Variants in TCOF1 observed in about 807,000 individuals in gnomAD.
The protein encoded by TCOF1 is treacle ribosome biogenesis factor 1.
TCOF1 carries 33 observed loss-of-function variants against 149.0 expected under a neutral mutation model. The ratio of observed to expected loss-of-function variants is 0.22; its 90% confidence interval spans 0.17 to 0.30. The LOEUF is 0.30. Among genes scored for constraint, TCOF1 ranks in the 10% least tolerant of loss-of-function variants. TCOF1 has a pLI of 1.00. For synonymous variants in TCOF1, 789 were observed against 738.8 expected (o/e 1.07, Z -1.10); for missense variants, 1,728 against 1,840.7 (o/e 0.94, Z 1.12).
chr5:150,386,664 C>G (rs1766371049), intron 17 of TCOF1, among the ~76,000 whole-genome samples: 1 of 152,226 alleles, frequency 6.6e-6, no homozygotes, highest in Non-Finnish European at 1.5e-5. Context: ...AGGCAGCTCC[C>G]TCTTCCTGCC....
intron 3 of TCOF1, among the ~76,000 whole-genome samples, chr5:150,367,236 C>T (rs188115819): frequency 0.013 from 1,975 of 152,066 alleles, 48 homozygotes; most frequent in African/African-American, 0.045. Flanking sequence ...ACCCAGGAGG[C>T]GGAGCTTGCA....
Position 150,396,598 on chromosome 5 carries a change from G to A in TCOF1, c.4101G>A (p.Lys1367=), listed in dbSNP as rs1195779055. Reference sequence around the variant, plus strand: ...CCCCCAGGAGCAAGAAGAAGAAGAAGCTGGGGGCCGGGGAAGGTGGGGAGG... The same window carrying A: ...CCCCCAGGAGCAAGAAGAAGAAGAAACTGGGGGCCGGGGAAGGTGGGGAGG... The part of the protein sequence containing the change: ...ARTPRSKKKK[K]LGAGEGGEAS... Residue 1367 remains lysine (K), a synonymous_variant, in exon 24 of 27, where the codon AAG becomes AAA. Coordinates refer to ENST00000643257, the MANE Select transcript of TCOF1 (RefSeq NM_001371623.1). The A allele has an allele frequency of 1.3e-6, 2 of 1,584,008 alleles. No individual in the cohort carries two copies. The highest frequency in any genetic ancestry group is 1.8e-5 in the Admixed American group (1 of 54,760).
In TCOF1 at chr5:150,392,817, C is replaced by T. The variant is rs868356144; in HGVS notation, c.3603+27C>T. ...TAACTGCAAGGGAGAGGACTGGCAGCCCATAGGCCTTAGGGTGGAGCCCCA... is the reference window on the plus strand; with the variant it reads ...TAACTGCAAGGGAGAGGACTGGCAGTCCATAGGCCTTAGGGTGGAGCCCCA... On this transcript the variant is annotated intron_variant, in intron 22 of 26. Coordinates refer to ENST00000643257, the MANE Select transcript of TCOF1 (RefSeq NM_001371623.1). 5.0e-6 allele frequency: 8 copies of T among 1,611,112 alleles called. No homozygotes were observed. The Middle Eastern group carries it at 1.2e-3, about 233-fold the overall frequency.
At chr5:150,381,530 G>A (rs1326278706) in intron 17 of TCOF1, among the ~76,000 whole-genome samples, 2 of 152,238 alleles carry the variant, frequency 1.3e-5, no homozygotes, top group African/African-American at 4.8e-5. Flanking sequence ...GAGGGGCTGG[G>A]CATGAAGGCA....
intron 23 of TCOF1, chr5:150,394,964 T>TGGGGAGA (rs1420586430): frequency 6.7e-6 from 1 of 149,626 alleles, no homozygotes; most frequent in Non-Finnish European, 1.5e-5. Context: ...ACGTAGGCTC[T>TGGGGAGA]GGGGAGAGAG....
intron 3 of TCOF1, among the ~76,000 whole-genome samples, chr5:150,364,718 C>A (rs1249786882): frequency 6.6e-6 from 1 of 152,158 alleles, no homozygotes; most frequent in Non-Finnish European, 1.5e-5. Flanking sequence ...GGTTTTACAC[C>A]GTTTGCAGGA....
Position 150,374,943 on chromosome 5 carries a change from TCTCA to T in TCOF1, c.1279-7_1279-4del, listed in dbSNP as rs1562345546. The T allele has an allele frequency of 6.2e-7, 1 of 1,612,876 alleles. No homozygotes were observed. On this transcript the variant is annotated splice_polypyrimidine_tract_variant and splice_region_variant and intron_variant, in intron 9 of 26. Coordinates refer to ENST00000643257, the MANE Select transcript of TCOF1 (RefSeq NM_001371623.1). ...CTCTGGGCTCTCCCCTCATCCTGTT[TCTCA>T]CTCCAGGCGAAGCCTTCAGGGAAGG...
At chr5:150,364,014 C>T in intron 2 of TCOF1, 99 bp from the exon 3 acceptor site, 1 of 1,565,636 alleles carries the variant, frequency 6.4e-7, no homozygotes, top group Non-Finnish European at 8.8e-7. Flanking sequence ...ATGCACATTG[C>T]CTTTAAGAGC....
rs1179300711 is a variant in TCOF1, at chr5:150,375,538, C to G, written c.1688C>G (p.Ala563Gly). The stretch of plus-strand genomic sequence containing the variant: ...AGCAGTGATGGAGAGGTGCCCACAG[C>G]TGTGGCCCCGGCTCAGGTGAGGCCC... ...SDSSDGEVPT[A>G]VAPAQEKSLG... The change falls in exon 11 of 27, where the codon GCT (alanine) becomes GGT (glycine). Residue 563 changes from alanine to glycine, a missense_variant. Ala to Gly is a moderately conservative substitution (Grantham distance 60, BLOSUM62 0). Around this residue, in one of 2 missense-constraint regions of TCOF1, gnomAD observed 1,696 missense variants for 1,765.4 expected, o/e 0.96. Transcript: ENST00000643257. The G allele has an allele frequency of 6.2e-7, 1 of 1,614,146 alleles. No homozygotes were observed. Among genetic ancestry groups the G allele is most frequent in the South Asian group, 1.1e-5 (1 of 91,084 alleles).
rs1039846583 is a variant in TCOF1, at chr5:150,376,683, G to A, written c.2340+63G>A. The A allele has an allele frequency of 2.9e-5, 43 of 1,505,114 alleles. No individual in the cohort carries two copies. The Admixed American group carries it at 8.4e-4, about 30-fold the overall frequency. 93.2% of individuals were successfully genotyped at this position (1,505,114 alleles called of 1,614,324 possible). ...CTGTTCCTGAGCCAGGGCTGAGGAT[G>A]GGCTTGACTGGGGGCTAGTGTTGCC... On this transcript the variant is annotated intron_variant, in intron 14 of 26. Transcript: ENST00000643257.
chr5:150,380,143 G>C, intron 17 of TCOF1: 2 of 235,816 alleles, frequency 8.5e-6, no homozygotes, highest in South Asian at 5.2e-5. Flanking sequence ...AAGAAAGGAA[G>C]GCCAGGTTAA....
At position 150,398,555 on chromosome 5, in the gene TCOF1, C is replaced by G. The variant is rs906979865; in HGVS notation, c.4443+104C>G. 30 of 1,559,772 alleles carry G rather than the reference C, an allele frequency of 1.9e-5. No individual in the cohort carries two copies. The Admixed American group carries it at 5.3e-4, about 28-fold the overall frequency. Reference sequence around the variant, plus strand: ...CTGCCCCCTTCCCATTTTCGGGGCCCAGTCGGGGGCGTCAGGGGTTGTGAC... The same window carrying G: ...CTGCCCCCTTCCCATTTTCGGGGCCGAGTCGGGGGCGTCAGGGGTTGTGAC... On this transcript the variant is annotated intron_variant, in intron 25 of 26. Coordinates refer to ENST00000643257, the MANE Select transcript of TCOF1 (RefSeq NM_001371623.1).
Position 150,393,448 on chromosome 5 carries a change from A to G in TCOF1, c.3680A>G (p.Asp1227Gly), listed in dbSNP as rs1308888021. 1.2e-6 allele frequency: 2 copies of G among 1,613,856 alleles called. No homozygotes were observed. The highest frequency in any genetic ancestry group is 1.7e-6 in the Non-Finnish European group (2 of 1,179,962). ...SQASKATPKL[D>G]SSPSVSSTLA... ...GCCTCAAAAGCCACTCCCAAGCTAGACTCCAGCCCCTCAGTTTCCTCTACT... is the reference window on the plus strand; with the variant it reads ...GCCTCAAAAGCCACTCCCAAGCTAGGCTCCAGCCCCTCAGTTTCCTCTACT... Residue 1227 changes from aspartate to glycine, a missense_variant, in exon 23 of 27, where the codon GAC becomes GGC. Physicochemically the swap from Asp to Gly is moderately conservative, Grantham distance 94. This residue lies in a region of TCOF1 where 1,696 missense variants were observed against 1,765.4 expected (regional missense o/e 0.96). Transcript: ENST00000643257.
chr5:150,385,198 ATTAG>A, intron 17 of TCOF1: 1 of 665,122 alleles, frequency 1.5e-6, no homozygotes, highest in African/African-American at 2.0e-5. Flanking sequence ...AACTTCTTCT[ATTAG>A]TTTGTCAAAG....
chr5:150,383,998 A>G, intron 17 of TCOF1: 1 of 1,384,992 alleles, frequency 7.2e-7, no homozygotes, highest in Admixed American at 3.0e-5. Flanking sequence ...TCTAGCCCCA[A>G]GCTCCCAGAA....
chr5:150,384,424 G>A, intron 17 of TCOF1: 3 of 985,458 alleles, frequency 3.0e-6, no homozygotes, highest in Non-Finnish European at 3.6e-6. Flanking sequence ...CCTGGTGTTT[G>A]AGCACAGGCC....
intron 17 of TCOF1, chr5:150,380,294 C>G (rs1245181124): frequency 6.0e-6 from 1 of 168,064 alleles, no homozygotes; most frequent in Non-Finnish European, 1.3e-5. Context: ...GTCGAGGTCT[C>G]CACCAGCTCT....
At chr5:150,372,641 A>T (rs541505215) in intron 7 of TCOF1, among the ~76,000 whole-genome samples, 4 of 152,166 alleles carry the variant, frequency 2.6e-5, no homozygotes, top group African/African-American at 9.7e-5. Flanking sequence ...GTGTATCCCA[A>T]GGGCAAGACA....
intron 17 of TCOF1, 34 bp downstream of exon 17, chr5:150,379,766 T>A: frequency 6.2e-7 from 1 of 1,607,978 alleles, no homozygotes; most frequent in South Asian, 1.1e-5. Flanking sequence ...CCACCAACAC[T>A]CACTCCTCAG....
Sources: gnomAD v4.1 joint callset for allele counts (sites outside exome capture counted in the v4.1 genomes callset) on GRCh38, gnomAD v4.1.1 for gene constraint, gnomAD v4.1.1 regional missense constraint, MANE v1.5 for transcripts, NCBI Gene and HGNC (gene_info 2026-07-23, HGNC 2026-07-21) for gene names.